Variants in CTNNAL1 observed in about 807,000 individuals in gnomAD.
CTNNAL1 encodes catenin alpha like 1.
In CTNNAL1, 69 loss-of-function variants were observed where a neutral mutation model predicts 93.6. The ratio of observed to expected loss-of-function variants is 0.74; its 90% CI spans 0.61 to 0.90. The LOEUF (loss-of-function observed/expected upper bound fraction) is 0.90. Among genes scored for constraint, CTNNAL1 ranks in the 40% least tolerant of loss-of-function variants. The probability of loss-of-function intolerance (pLI) is 0.00; values close to 1 mark genes in which losing one functional copy is unlikely to be tolerated. For synonymous variants in CTNNAL1, 286 were observed against 305.4 expected (o/e 0.94, Z 0.66); for missense variants, 836 against 862.0 (o/e 0.97, Z 0.38).
intron 8 of CTNNAL1, among the ~76,000 whole-genome samples, chr9:108,975,651 G>A (rs577300589): frequency 2.6e-4 from 39 of 152,188 alleles, no homozygotes; most frequent in Admixed American, 2.5e-3. Context: ...TTTAAATAAT[G>A]ATTAACATTC....
intron 12 of CTNNAL1, among the ~76,000 whole-genome samples, chr9:108,952,828 TCC>T (rs1830601438): frequency 6.6e-6 from 1 of 152,126 alleles, no homozygotes. Context: ...AATTATTATG[TCC>T]CCCAAACCTC....
In CTNNAL1 at chr9:108,981,160, C is replaced by G. The variant is rs186615839; in HGVS notation, c.901-1679G>C. 4.9e-4 allele frequency among the ~76,000 whole-genome samples: 74 copies of G among 152,368 alleles called. No homozygotes were observed. The East Asian group carries it at 0.013, about 27-fold the overall frequency. ...TTCACCTGCACTAGAAATGCAGCAG[C>G]AGGTGGTGAAAGATGTCTCTCACTT... On this transcript the variant is annotated intron_variant, in intron 6 of 18. Coordinates refer to ENST00000325551, the MANE Select transcript of CTNNAL1 (RefSeq NM_003798.4).
In CTNNAL1 at chr9:108,964,395, C is replaced by A. The variant is rs1357581533; in HGVS notation, c.1591+983G>T. 2.0e-5 allele frequency among the ~76,000 whole-genome samples: 3 copies of A among 151,466 alleles called. No individual in the cohort carries two copies. The East Asian group carries it at 5.8e-4, about 29-fold the overall frequency. On this transcript the variant is annotated intron_variant, in intron 11 of 18. Transcript: ENST00000325551. ...ATGACATTTTATTTAAAAAAATAAGCAAGCTTTGACACTACAGAAGCCATT... is the reference window on the plus strand; with the variant it reads ...ATGACATTTTATTTAAAAAAATAAGAAAGCTTTGACACTACAGAAGCCATT...
chr9:108,945,340 A>C (rs1830368379), intron 15 of CTNNAL1, among the ~76,000 whole-genome samples: 1 of 152,168 alleles, frequency 6.6e-6, no homozygotes. Flanking sequence ...TATAATATCT[A>C]AGTTAATGTA....
intron 4 of CTNNAL1, among the ~76,000 whole-genome samples, chr9:108,990,364 A>C (rs1831753274): frequency 6.6e-6 from 1 of 152,238 alleles, no homozygotes; most frequent in Non-Finnish European, 1.5e-5. Context: ...ACAAGATACT[A>C]TAAGAATACA....
chr9:108,956,226 C>T (rs894620203), intron 11 of CTNNAL1, among the ~76,000 whole-genome samples: 1 of 152,154 alleles, frequency 6.6e-6, no homozygotes, highest in Non-Finnish European at 1.5e-5. Flanking sequence ...AAGTACCAGA[C>T]CAAATAATTT....
In CTNNAL1 at chr9:108,983,065, G is replaced by A. The variant is rs537490526; in HGVS notation, c.900+80C>T. 24 of 1,190,802 alleles carry A rather than the reference G, an allele frequency of 2.0e-5. No individual in the cohort carries two copies. In the South Asian group the frequency reaches 3.6e-4, roughly 18 times the overall value. 73.8% of individuals were successfully genotyped at this position (1,190,802 alleles called of 1,614,324 possible). A position where few individuals can be genotyped will look rare whatever the true frequency, so the allele number is the denominator to read the frequency against. On this transcript the variant is annotated intron_variant, in intron 6 of 18. Transcript: ENST00000325551. ...TGCACTCCAGCCTGGGCAACAGAGCGAGACTCCATCTCAAAAAATTAAAAT... is the reference window on the plus strand; with the variant it reads ...TGCACTCCAGCCTGGGCAACAGAGCAAGACTCCATCTCAAAAAATTAAAAT...
At chr9:108,992,390 C>CT (rs76492886) in intron 3 of CTNNAL1, among the ~76,000 whole-genome samples, 2,716 of 139,904 alleles carry the variant, frequency 0.019, 121 homozygotes, top group East Asian at 0.099. Context: ...AAGAACTTTT[C>CT]TTTTTTTTTT....
chr9:108,981,708 T>C (rs1357924608), intron 6 of CTNNAL1, among the ~76,000 whole-genome samples: 1 of 152,142 alleles, frequency 6.6e-6, no homozygotes, highest in Non-Finnish European at 1.5e-5. Context: ...GCGGATCACC[T>C]GAGGTCCGGA....
chr9:109,012,455 A>G (rs1472273702), intron 1 of CTNNAL1, among the ~76,000 whole-genome samples: 2 of 152,250 alleles, frequency 1.3e-5, no homozygotes, highest in Non-Finnish European at 2.9e-5. Flanking sequence ...CCGAAGGCAC[A>G]GAATTCACTC....
intron 14 of CTNNAL1, among the ~76,000 whole-genome samples, chr9:108,951,038 C>T (rs1587944474): frequency 6.6e-6 from 1 of 151,732 alleles, no homozygotes; most frequent in East Asian, 2.0e-4. Flanking sequence ...GAGATGGAGT[C>T]TCACCCTGTC....
chr9:109,000,302 C>T (rs190982755), intron 1 of CTNNAL1, among the ~76,000 whole-genome samples: 66 of 152,236 alleles, frequency 4.3e-4, no homozygotes, highest in African/African-American at 1.4e-3. Flanking sequence ...AAGACAATCC[C>T]ACCACCATTA....
At chr9:108,972,864 G>GGGGGGGCGCCCCCCCCCCCCC in intron 8 of CTNNAL1, 31 bp from the exon 9 acceptor site, 1 of 142,584 alleles carries the variant, frequency 7.0e-6, no homozygotes, top group Non-Finnish European at 1.0e-5. Flanking sequence ...GGGGGGGTGG[G>GGGGGGGCGCCCCCCCCCCCCC]AGGGTGGAGA....
In CTNNAL1 at chr9:108,979,500, T is replaced by A; in HGVS notation, c.901-19A>T. ...TATTCATCTGAGAACAAAAAGGACATCTATCCATCCATGTGAGTCAATATT... is the reference window on the plus strand; with the variant it reads ...TATTCATCTGAGAACAAAAAGGACAACTATCCATCCATGTGAGTCAATATT... On this transcript the variant is annotated intron_variant, in intron 6 of 18. Transcript: ENST00000325551. 1 of 1,611,698 alleles carries A rather than the reference T, an allele frequency of 6.2e-7. No individual in the cohort carries two copies. Among genetic ancestry groups the A allele is most frequent in the Non-Finnish European group, 8.5e-7 (1 of 1,178,702 alleles).
rs138178116 is a variant in CTNNAL1 at position 108,949,705 on chromosome 9, G to A, written c.1836-1471C>T. ...CTAAAACTACAAAAATTAGCCGGGC[G>A]TGGTGGCACACAACTGTAATCCCAG... On this transcript the variant is annotated intron_variant, in intron 14 of 18. Coordinates refer to ENST00000325551, the MANE Select transcript of CTNNAL1 (RefSeq NM_003798.4). Among the ~76,000 whole-genome samples the A allele has an allele frequency of 8.5e-5, 13 of 152,202 alleles. No individual in the cohort carries two copies. In the East Asian group the frequency reaches 2.1e-3, roughly 25 times the overall value.
intron 2 of CTNNAL1, among the ~76,000 whole-genome samples, chr9:108,995,826 C>T (rs1319083305): frequency 1.3e-5 from 2 of 152,068 alleles, no homozygotes; most frequent in Non-Finnish European, 2.9e-5. Context: ...ATCAAAACAC[C>T]TCTATAAACC....
At chr9:109,012,183 T>G (rs12343956) in intron 1 of CTNNAL1, among the ~76,000 whole-genome samples, 10,642 of 152,194 alleles carry the variant, frequency 0.07, 495 homozygotes, top group Admixed American at 0.13. Context: ...CAGGGACATG[T>G]GTAACTGCTG....
chr9:109,013,173 A>C, intron 1 of CTNNAL1, 129 bp downstream of exon 1: 1 of 1,199,136 alleles, frequency 8.3e-7, no homozygotes. Flanking sequence ...AGGCGGTCCG[A>C]CAAGAACGCC....
At chr9:109,005,333 A>G (rs374464438) in intron 1 of CTNNAL1, among the ~76,000 whole-genome samples, 3 of 152,272 alleles carry the variant, frequency 2.0e-5, no homozygotes, top group Admixed American at 6.5e-5. Context: ...TGCAGTGGAA[A>G]GGAGTTTAAG....
Sources: gnomAD v4.1 joint callset for allele counts (sites outside exome capture counted in the v4.1 genomes callset) on GRCh38, gnomAD v4.1.1 for gene constraint, MANE v1.5 for transcripts, NCBI Gene and HGNC (gene_info 2026-07-23, HGNC 2026-07-21) for gene names.